Variants in MAMDC2 observed in about 807,000 individuals in gnomAD.
MAMDC2 encodes the protein MAM domain containing 2, also known as MAM domain-containing protein 2.
Under a neutral mutation model 89.8 loss-of-function variants are expected in MAMDC2, and 57 were observed. The observed-to-expected ratio is 0.63, with a 90% confidence interval of 0.51 to 0.79. The LOEUF (loss-of-function observed/expected upper bound fraction) is 0.79. Among genes scored for constraint, MAMDC2 ranks in the 30% least tolerant of loss-of-function variants. The probability of loss-of-function intolerance (pLI) is 0.00; values close to 1 mark genes in which losing one functional copy is unlikely to be tolerated. For missense variants in MAMDC2, 800 were observed against 820.6 expected (o/e 0.97, Z 0.31); for synonymous variants, 313 against 293.4 (o/e 1.07, Z -0.68).
chr9:70,218,046 T>C (rs1416395296), intron 11 of MAMDC2, among the ~76,000 whole-genome samples: 1 of 152,208 alleles, frequency 6.6e-6, no homozygotes, highest in Non-Finnish European at 1.5e-5. Flanking sequence ...ATAAGTAATA[T>C]AAATTCTGAT....
rs536714084 is a variant in MAMDC2 at position 70,149,981 on chromosome 9, G to A, written c.1404+6162G>A. Among the ~76,000 whole-genome samples the A allele has an allele frequency of 2.4e-4, 36 of 152,258 alleles. No individual in the cohort carries two copies. The South Asian group carries it at 2.5e-3, about 11-fold the overall frequency. ...CCCTGAAGTGCTGGGAGACGTTCCTGTGACCATACAGCTGGGCAGCAACAG... is the reference window on the plus strand; with the variant it reads ...CCCTGAAGTGCTGGGAGACGTTCCTATGACCATACAGCTGGGCAGCAACAG... On this transcript the variant is annotated intron_variant, in intron 9 of 13. Coordinates refer to ENST00000377182, the MANE Select transcript of MAMDC2 (RefSeq NM_153267.5).
intron 12 of MAMDC2, among the ~76,000 whole-genome samples, chr9:70,225,121 T>A (rs1395361283): frequency 6.6e-6 from 1 of 152,204 alleles, no homozygotes; most frequent in African/African-American, 2.4e-5. Flanking sequence ...GGTTAAGTAA[T>A]CTATTTTTCC....
intron 5 of MAMDC2, among the ~76,000 whole-genome samples, chr9:70,117,792 G>A (rs751707695): frequency 7.2e-5 from 11 of 152,232 alleles, no homozygotes; most frequent in Non-Finnish European, 1.3e-4. Flanking sequence ...AAGCTAAACA[G>A]ATTTCTTTAT....
chr9:70,062,282 A>G (rs1409468116), intron 2 of MAMDC2, among the ~76,000 whole-genome samples: 2 of 150,650 alleles, frequency 1.3e-5, no homozygotes, highest in Non-Finnish European at 2.9e-5. Context: ...CACACACACT[A>G]TCTCTTTATA....
intron 2 of MAMDC2, 75 bp downstream of exon 2, chr9:70,044,772 T>A: frequency 9.6e-7 from 1 of 1,038,124 alleles, no homozygotes; most frequent in Non-Finnish European, 1.5e-6. Context: ...CCCACATGGG[T>A]AATGTTATCT....
At chr9:70,147,769 G>A (rs1489837355) in intron 9 of MAMDC2, among the ~76,000 whole-genome samples, 1 of 150,330 alleles carries the variant, frequency 6.7e-6, no homozygotes, top group African/African-American at 2.5e-5. Flanking sequence ...ATTTCCCTAT[G>A]AGGGCGCCCT....
Position 70,044,156 on chromosome 9 carries a change from C to G in MAMDC2, c.-42C>G, listed in dbSNP as rs1826673108. 6.2e-7 allele frequency: 1 copy of G among 1,612,794 alleles called. No individual in the cohort carries two copies. ...GGAGCAGCCAGTCCCAGCGGGCTGG[C>G]AACTTGCACCCCTTCCTAGTCATCC... is the stretch of plus-strand genomic sequence containing the variant. On this transcript the variant is annotated 5_prime_UTR_variant, in exon 1 of 14. Coordinates refer to ENST00000377182, the MANE Select transcript of MAMDC2 (RefSeq NM_153267.5).
At chr9:70,209,280 G>A (rs2033300055) in intron 11 of MAMDC2, among the ~76,000 whole-genome samples, 1 of 152,026 alleles carries the variant, frequency 6.6e-6, no homozygotes, top group Non-Finnish European at 1.5e-5. Context: ...TTGGTTGGTA[G>A]GCTATTAATT....
intron 9 of MAMDC2, among the ~76,000 whole-genome samples, chr9:70,162,394 A>G (rs996196585): frequency 6.6e-6 from 1 of 152,118 alleles, no homozygotes; most frequent in African/African-American, 2.4e-5. Flanking sequence ...AGTGAAAAGC[A>G]ATAACCCTGA....
At position 70,193,825 on chromosome 9, in the gene MAMDC2, A is replaced by G. The variant is rs73448674; in HGVS notation, c.1651+23194A>G. On this transcript the variant is annotated intron_variant, in intron 11 of 13. Transcript: ENST00000377182. Reference sequence around the variant, plus strand: ...TCTGAAGATATACCTGTATTTGTAGATTGAATTCTGCCTTTTCACTTCCCA... The same window carrying G: ...TCTGAAGATATACCTGTATTTGTAGGTTGAATTCTGCCTTTTCACTTCCCA... Among the ~76,000 whole-genome samples, 644 of 152,176 alleles carry G rather than the reference A, an allele frequency of 4.2e-3. 6 individuals are homozygous for G. The highest frequency in any genetic ancestry group is 0.013 in the African/African-American group (558 of 41,528).
rs752971650 is a variant in MAMDC2 at position 70,140,135 on chromosome 9, CT to C, written c.995-7del. ...GGGACTGTCATTAACTTTGCTTGTC[CT>C]TTGCTCAGAACTTCTGTTCAGTGCC... On this transcript the variant is annotated splice_polypyrimidine_tract_variant and intron_variant, in intron 7 of 13. Transcript: ENST00000377182. 1.7e-5 allele frequency: 27 copies of C among 1,553,610 alleles called. No homozygotes were observed. In the African/African-American group the frequency reaches 3.4e-4, roughly 20 times the overall value.
At chr9:70,160,168 C>A (rs1318650239) in intron 9 of MAMDC2, among the ~76,000 whole-genome samples, 2 of 151,932 alleles carry the variant, frequency 1.3e-5, no homozygotes, top group South Asian at 2.1e-4. Context: ...GCCGTGATTG[C>A]GCTACTGCAC....
rs73647409 is a variant in MAMDC2, at chr9:70,112,150, C to T, written c.506-845C>T. Among the ~76,000 whole-genome samples the T allele has an allele frequency of 7.0e-3, 1,073 of 152,286 alleles. 14 individuals are homozygous for T. Among genetic ancestry groups the T allele is most frequent in the African/African-American group, 0.025 (1,031 of 41,562 alleles). On this transcript the variant is annotated intron_variant, in intron 4 of 13. Transcript: ENST00000377182. ...CAGGTGGAGAAGAGCAACGTGGATC[C>T]GCAGGGGGCCAGTGGCCAGCACAAT...
chr9:70,081,261 T>C (rs546925345), intron 2 of MAMDC2, among the ~76,000 whole-genome samples: 8 of 151,864 alleles, frequency 5.3e-5, no homozygotes, highest in Non-Finnish European at 1.0e-4. Context: ...AGATGATAAG[T>C]CAGATCTTGA....
At chr9:70,057,116 C>G (rs1827041009) in intron 2 of MAMDC2, among the ~76,000 whole-genome samples, 1 of 152,172 alleles carries the variant, frequency 6.6e-6, no homozygotes, top group African/African-American at 2.4e-5. Context: ...CATCTTCCCA[C>G]CCCCTGGTTT....
intron 12 of MAMDC2, among the ~76,000 whole-genome samples, chr9:70,221,380 T>TATATAG: frequency 2.8e-4 from 2 of 7,042 alleles, no homozygotes; most frequent in African/African-American, 8.7e-4. Context: ...TATATATATA[T>TATATAG]AGAGAGAGAG....
chr9:70,184,400 T>C (rs1191642550), intron 11 of MAMDC2, among the ~76,000 whole-genome samples: 1 of 152,206 alleles, frequency 6.6e-6, no homozygotes, highest in Admixed American at 6.5e-5. Flanking sequence ...TGGTGTTTTC[T>C]GTATTTCCTG....
In MAMDC2 at chr9:70,118,297, A is replaced by AACACACACACACACACACAC. The variant is rs6151026; in HGVS notation, c.643+5197_643+5216dup. Among the ~76,000 whole-genome samples the AACACACACACACACACACAC allele has an allele frequency of 3.1e-3, 441 of 140,518 alleles. 11 individuals carry two copies. Among genetic ancestry groups the AACACACACACACACACACAC allele is most frequent in the East Asian group, 7.0e-3 (32 of 4,566 alleles). The allele number at this position is 140,518 out of a possible 152,430, so 92.2% of individuals were successfully genotyped here. Reference sequence around the variant, plus strand: ...CATTCATTAGCCAACATCCCCACTCAACACACACACACACACACACACACA... The same window carrying AACACACACACACACACACAC: ...CATTCATTAGCCAACATCCCCACTCAACACACACACACACACACACACACACACACACACACACACACACA... On this transcript the variant is annotated intron_variant, in intron 5 of 13. Transcript: ENST00000377182.
intron 11 of MAMDC2, among the ~76,000 whole-genome samples, chr9:70,183,858 T>A (rs1405152351): frequency 6.6e-6 from 1 of 152,200 alleles, no homozygotes; most frequent in Non-Finnish European, 1.5e-5. Context: ...AAGATTAATA[T>A]TGTTATTTGA....
Sources: gnomAD v4.1 joint callset for allele counts (sites outside exome capture counted in the v4.1 genomes callset) on GRCh38, gnomAD v4.1.1 for gene constraint, MANE v1.5 for transcripts, NCBI Gene and HGNC (gene_info 2026-07-23, HGNC 2026-07-21) for gene names.